ANK3: variants seen among roughly 807,000 people sequenced by gnomAD.
The protein encoded by ANK3 is ankyrin 3.
Under a neutral mutation model 370.9 loss-of-function variants are expected in ANK3, and 57 were observed. The observed-to-expected ratio is 0.15, with a 90% CI of 0.12 to 0.19. The LOEUF is 0.19. ANK3 is among the 10% of genes least tolerant of loss of function. The pLI is 1.00. For synonymous variants in ANK3, 1,929 were observed against 1,946.3 expected (o/e 0.99, Z 0.23); for missense variants, 4,439 against 5,302.1 (o/e 0.84, Z 5.06).
chr10:60,062,976 C>T, intron 40 of ANK3, 135 bp downstream of exon 40: 1 of 852,696 alleles, frequency 1.2e-6, no homozygotes. Flanking sequence ...TGTTTATTTG[C>T]AGACTCTGGC....
upstream of ANK3, among the ~76,000 whole-genome samples, chr10:60,394,661 C>A (rs565248066): frequency 1.2e-4 from 18 of 152,206 alleles, no homozygotes; most frequent in African/African-American, 4.3e-4. Flanking sequence ...CACAGAAGGC[C>A]CCCACAACCA....
intron 1 of ANK3, among the ~76,000 whole-genome samples, chr10:60,313,521 G>T (rs1005470251): frequency 2.6e-5 from 4 of 152,164 alleles, no homozygotes; most frequent in Non-Finnish European, 5.9e-5. Context: ...TTATCTCTTT[G>T]CCTGTCCTCC....
At chr10:60,134,506 T>C (rs1278658791) in intron 24 of ANK3, 133 bp from the exon 25 acceptor site, 6 of 591,942 alleles carry the variant, frequency 1.0e-5, no homozygotes, top group South Asian at 5.1e-5. Context: ...TGAAAGGACA[T>C]AGTGAAAAGT....
chr10:60,653,385 G>T (rs1411157503), intron 1 of ANK3, among the ~76,000 whole-genome samples: 2 of 151,838 alleles, frequency 1.3e-5, no homozygotes, highest in Admixed American at 1.3e-4. Flanking sequence ...ATTTCCCGTT[G>T]TTCCAGTAGT....
chr10:60,293,062 A>T (rs1202561237), intron 1 of ANK3, among the ~76,000 whole-genome samples: 1 of 152,114 alleles, frequency 6.6e-6, no homozygotes, highest in Non-Finnish European at 1.5e-5. Flanking sequence ...GCTTTGCTTC[A>T]TCTAGCTCAT....
intron 2 of ANK3, among the ~76,000 whole-genome samples, chr10:60,588,674 A>G (rs1226173939): frequency 6.6e-6 from 1 of 152,026 alleles, no homozygotes; most frequent in Non-Finnish European, 1.5e-5. Context: ...TAATCCCAGC[A>G]CTGTGGGAGG....
chr10:60,451,935 G>T (rs1304234140), intron 2 of ANK3, among the ~76,000 whole-genome samples: 4 of 152,200 alleles, frequency 2.6e-5, no homozygotes, highest in African/African-American at 9.6e-5. Context: ...TGGAGGACCT[G>T]TGGAAAGGTT....
chr10:60,059,841 A>G (rs201194312), intron 40 of ANK3: 113 of 1,614,112 alleles, frequency 7.0e-5, no homozygotes, highest in Non-Finnish European at 8.8e-5. Context: ...GGAATGCTCT[A>G]TGTTCCCCTG....
chr10:60,337,275 C>G (rs768581669), intron 1 of ANK3, among the ~76,000 whole-genome samples: 1 of 152,126 alleles, frequency 6.6e-6, no homozygotes. Flanking sequence ...TCCTCTTCCA[C>G]TGCTCAAGGT....
intron 2 of ANK3, among the ~76,000 whole-genome samples, chr10:60,433,407 T>G (rs962614955): frequency 6.6e-6 from 1 of 152,148 alleles, no homozygotes; most frequent in Admixed American, 6.5e-5. Flanking sequence ...CTGGCCAACG[T>G]GGTGAAACCC....
At chr10:60,034,882 C>T (rs1354864096) in intron 43 of ANK3, among the ~76,000 whole-genome samples, 2 of 152,114 alleles carry the variant, frequency 1.3e-5, no homozygotes, top group Admixed American at 6.5e-5. Context: ...CTTTATGTAA[C>T]TAAAATACAC....
intron 1 of ANK3, among the ~76,000 whole-genome samples, chr10:60,304,512 G>A (rs544505043): frequency 4.6e-5 from 7 of 151,922 alleles, no homozygotes; most frequent in East Asian, 1.9e-4. Context: ...GTGTGGTGGC[G>A]CGCACTTGTA....
intron 42 of ANK3, chr10:60,043,879 A>T (rs1031205589): frequency 1.1e-3 from 490 of 435,328 alleles, no homozygotes; most frequent in Non-Finnish European, 1.2e-3. Flanking sequence ...AAGACAGTTA[A>T]AAAAAAAAAG....
In ANK3 at chr10:60,172,378, G is replaced by C. The variant is rs781384433; in HGVS notation, c.2408C>G (p.Ala803Gly). Residue 803 changes from alanine to glycine, a missense_variant, in exon 21 of 44, where the codon GCC (alanine) becomes GGC (glycine). By Grantham distance (60) the Ala-to-Gly change is moderately conservative (BLOSUM62 0). Coordinates refer to ENST00000280772, the MANE Select transcript of ANK3 (RefSeq NM_020987.5). The part of the protein sequence containing the change: ...TVNGNTALGI[A>G]RRLGYISVVD... ...TACTGAGATGTAGCCGAGGCGCCGGGCAATGCCAAGGGCAGTATTCCCATT... is the reference window on the plus strand; with the variant it reads ...TACTGAGATGTAGCCGAGGCGCCGGCCAATGCCAAGGGCAGTATTCCCATT... 1.9e-6 allele frequency: 3 copies of C among 1,613,888 alleles called. No individual in the cohort carries two copies. In the African/African-American group the frequency reaches 4.0e-5, roughly 22 times the overall value.
chr10:60,499,164 T>C (rs761690606), intron 2 of ANK3, among the ~76,000 whole-genome samples: 54 of 152,216 alleles, frequency 3.5e-4, no homozygotes, highest in Non-Finnish European at 6.9e-4. Context: ...AATATGTCCA[T>C]AAAACTTCAT....
chr10:60,136,282 T>G (rs1261859589), intron 24 of ANK3, among the ~76,000 whole-genome samples: 1 of 152,150 alleles, frequency 6.6e-6, no homozygotes, highest in Non-Finnish European at 1.5e-5. Context: ...ACTGAGCACT[T>G]GAAATGTGGC....
At chr10:60,652,786 A>G (rs2078808265) in intron 1 of ANK3, among the ~76,000 whole-genome samples, 1 of 152,086 alleles carries the variant, frequency 6.6e-6, no homozygotes, top group Non-Finnish European at 1.5e-5. Flanking sequence ...TAGAAGTCGA[A>G]GCAGAGGCAG....
At chr10:60,663,472 C>T (rs141421265) in intron 1 of ANK3, among the ~76,000 whole-genome samples, 14 of 150,208 alleles carry the variant, frequency 9.3e-5, no homozygotes, top group Middle Eastern at 6.8e-3. Flanking sequence ...CTATGACTTC[C>T]TCACATCTGC....
chr10:60,073,888 T>A lies in ANK3; in HGVS notation c.6993A>T (p.Glu2331Asp). 1 of 1,613,950 alleles carries A rather than the reference T, an allele frequency of 6.2e-7. No homozygotes were observed. Among genetic ancestry groups the A allele is most frequent in the Non-Finnish European group, 8.5e-7 (1 of 1,180,000 alleles). Reference protein sequence around the residue: ...QMKPKLERIIEVHIEKGNQAE... With the variant: ...QMKPKLERIIDVHIEKGNQAE... ...CTTGGTTACCTTTTTCGATGTGGAC[T>A]TCTATTATACGCTCCAGTTTGGGTT... Residue 2331 changes from glutamate (E) to aspartate (D), a missense_variant, in exon 37 of 44, where the codon GAA (glutamate) becomes GAT (aspartate). Glu to Asp is a conservative substitution (Grantham distance 45). Coordinates refer to ENST00000280772, the MANE Select transcript of ANK3 (RefSeq NM_020987.5).
Sources: gnomAD v4.1 joint callset for allele counts (sites outside exome capture counted in the v4.1 genomes callset) on GRCh38, gnomAD v4.1.1 for gene constraint, MANE v1.5 for transcripts, NCBI Gene and HGNC (gene_info 2026-07-23, HGNC 2026-07-21) for gene names.